SORCS2: variants seen among roughly 807,000 people sequenced by gnomAD.
SORCS2 encodes the protein VPS10 domain-containing receptor SorCS2.
SORCS2 carries 100 observed loss-of-function variants against 141.6 expected under a neutral mutation model. The ratio of observed to expected loss-of-function variants is 0.71; its 90% CI spans 0.60 to 0.83. The LOEUF is 0.83. SORCS2 is among the 40% of genes least tolerant of loss of function. The pLI is 0.00. For missense variants in SORCS2, 1,646 were observed against 1,560.2 expected (o/e 1.05, Z -0.93); for synonymous variants, 789 against 676.9 (o/e 1.17, Z -2.57).
intron 3 of SORCS2, among the ~76,000 whole-genome samples, chr4:7,543,859 T>TCCAGCCACCCCCCCAC (rs1560373610): frequency 1.4e-5 from 1 of 71,376 alleles, no homozygotes; most frequent in African/African-American, 4.9e-5. Context: ...CGTCCATCCA[T>TCCAGCCACCCCCCCAC]CCACCCATCC....
chr4:7,418,714 A>G (rs374574518), intron 2 of SORCS2, among the ~76,000 whole-genome samples: 1 of 102,786 alleles, frequency 9.7e-6, no homozygotes, highest in African/African-American at 3.2e-5. Flanking sequence ...CCCCCCCCCC[A>G]CCAGATTTGT....
At chr4:7,461,942 GTGCCT>G (rs1729339860) in intron 2 of SORCS2, among the ~76,000 whole-genome samples, 5 of 152,214 alleles carry the variant, frequency 3.3e-5, no homozygotes, top group African/African-American at 1.2e-4. Context: ...GCAGGCTTCA[GTGCCT>G]CTGCTGTCCC....
chr4:7,560,551 A>G (rs925941672), intron 3 of SORCS2, among the ~76,000 whole-genome samples: 1 of 152,018 alleles, frequency 6.6e-6, no homozygotes, highest in Admixed American at 6.6e-5. Flanking sequence ...GGTGTCTGAG[A>G]CTGTGCCAGC....
chr4:7,345,524 T>C (rs73210413), intron 1 of SORCS2, among the ~76,000 whole-genome samples: 23,292 of 152,172 alleles, frequency 0.15, 2,199 homozygotes, highest in Non-Finnish European at 0.21. Flanking sequence ...TGAAAATAGC[T>C]GAGTATGACT....
chr4:7,447,612 A>G (rs752145294), intron 2 of SORCS2, among the ~76,000 whole-genome samples: 25 of 151,992 alleles, frequency 1.6e-4, no homozygotes, highest in Non-Finnish European at 3.5e-4. Context: ...ACTCACAAAT[A>G]AGTCCATCCA....
intron 3 of SORCS2, among the ~76,000 whole-genome samples, chr4:7,633,337 C>T (rs76587530): frequency 1.3e-5 from 2 of 152,174 alleles, no homozygotes; most frequent in Non-Finnish European, 2.9e-5. Flanking sequence ...CAGGGACCCC[C>T]ACCTGCTTGC....
At chr4:7,337,247 G>A (rs945657090) in intron 1 of SORCS2, among the ~76,000 whole-genome samples, 5 of 152,158 alleles carry the variant, frequency 3.3e-5, no homozygotes, top group African/African-American at 9.7e-5. Context: ...TACTGTGTGC[G>A]GGGCCTTATG....
chr4:7,632,300 TC>T (rs1719943644), intron 3 of SORCS2, among the ~76,000 whole-genome samples: 1 of 152,166 alleles, frequency 6.6e-6, no homozygotes, highest in African/African-American at 2.4e-5. Context: ...AAAACCAGCC[TC>T]CTGGGCCCCC....
chr4:7,481,235 G>C (rs1401496952), intron 2 of SORCS2, among the ~76,000 whole-genome samples: 1 of 152,254 alleles, frequency 6.6e-6, no homozygotes, highest in Admixed American at 6.5e-5. Flanking sequence ...CTGAGAACAG[G>C]AGCGTGCGCT....
chr4:7,414,119 A>G (rs115559131), intron 2 of SORCS2, among the ~76,000 whole-genome samples: 52 of 152,332 alleles, frequency 3.4e-4, no homozygotes, highest in Non-Finnish European at 7.3e-4. Flanking sequence ...TACGCTTGCT[A>G]TTCTGTAAAT....
chr4:7,725,852 A>G (rs1222763823), intron 20 of SORCS2, among the ~76,000 whole-genome samples: 1 of 152,214 alleles, frequency 6.6e-6, no homozygotes, highest in Non-Finnish European at 1.5e-5. Flanking sequence ...GAAGCCCCCT[A>G]CCAGCAGCTG....
At chr4:7,200,421 C>A (rs779980543) in intron 1 of SORCS2, among the ~76,000 whole-genome samples, 14 of 152,216 alleles carry the variant, frequency 9.2e-5, no homozygotes, top group Non-Finnish European at 1.6e-4. Context: ...TCCCATCATG[C>A]TGGCCACCCA....
At chr4:7,440,122 C>T (rs906480402) in intron 2 of SORCS2, among the ~76,000 whole-genome samples, 2 of 152,174 alleles carry the variant, frequency 1.3e-5, no homozygotes, top group African/African-American at 4.8e-5. Context: ...TTGTAAACCC[C>T]ATTTGTTTCA....
At chr4:7,686,103 A>G (rs10018424) in intron 10 of SORCS2, among the ~76,000 whole-genome samples, 3,334 of 152,246 alleles carry the variant, frequency 0.022, 133 homozygotes, top group African/African-American at 0.077. Context: ...CTGGGTCACA[A>G]ATCTTTGCTC....
intron 2 of SORCS2, among the ~76,000 whole-genome samples, chr4:7,463,306 G>C (rs560919328): frequency 6.6e-6 from 1 of 152,176 alleles, no homozygotes; most frequent in South Asian, 2.1e-4. Flanking sequence ...TATCAGACCC[G>C]GCTTTGAAAC....
intron 1 of SORCS2, among the ~76,000 whole-genome samples, chr4:7,265,243 A>T (rs550288927): frequency 3.3e-5 from 5 of 152,330 alleles, no homozygotes. Flanking sequence ...CTGTAATCCA[A>T]GCACTTTGGG....
intron 2 of SORCS2, among the ~76,000 whole-genome samples, chr4:7,515,449 G>C (rs905483865): frequency 3.9e-5 from 6 of 152,166 alleles, no homozygotes; most frequent in African/African-American, 9.7e-5. Context: ...TGGGCAAGCT[G>C]GTACCTTCTC....
intron 2 of SORCS2, among the ~76,000 whole-genome samples, chr4:7,454,310 A>G (rs1387242189): frequency 4.1e-5 from 2 of 49,134 alleles, no homozygotes; most frequent in Non-Finnish European, 7.4e-5. Flanking sequence ...TGGGGTTAGG[A>G]GCTGTGTGTT....
At chr4:7,631,805 G>A (rs1161390822) in intron 3 of SORCS2, among the ~76,000 whole-genome samples, 1 of 152,054 alleles carries the variant, frequency 6.6e-6, no homozygotes, top group African/African-American at 2.4e-5. Context: ...TCACAGGGTC[G>A]GAAATCCATC....
Sources: allele counts gnomAD v4.1 joint callset (sites outside exome capture counted in the v4.1 genomes callset), GRCh38; gene constraint gnomAD v4.1.1; transcripts MANE v1.5; gene names NCBI Gene and HGNC (gene_info 2026-07-23, HGNC 2026-07-21).